The following SYT10 variants were observed in gnomAD, a reference collection of about 807,000 sequenced individuals.
The protein encoded by SYT10 is synaptotagmin-10.
A neutral mutation model predicts 51.1 loss-of-function variants in SYT10; 31 were observed. That is an observed-to-expected ratio of 0.61 (90% confidence interval 0.46 to 0.82). The LOEUF (loss-of-function observed/expected upper bound fraction) is 0.82, where lower values mean the gene tolerates loss of function less well. SYT10 is among the 40% of genes least tolerant of loss of function. The pLI is 0.00. For synonymous variants in SYT10, 233 were observed against 225.9 expected, an observed-to-expected ratio of 1.03 and a Z score of -0.28; for missense variants, 603 against 634.0, an observed-to-expected ratio of 0.95 and a Z score of 0.53.
Position 33,407,048 on chromosome 12 carries a change from A to G in SYT10, c.818T>C (p.Met273Thr). ...CTTTTTCCTATCTGGAAGAAGATAC[A>G]TCTTCACATAAGGGTCAGAAGTTCC... Reference protein sequence around the residue: ...FTGTSDPYVKMYLLPDRKKKF... With the variant: ...FTGTSDPYVKTYLLPDRKKKF... Residue 273 changes from methionine (M) to threonine (T), a missense_variant, in exon 3 of 7, where the codon ATG becomes ACG. Transcript: ENST00000228567. 1.9e-6 allele frequency: 3 copies of G among 1,614,208 alleles called. No individual in the cohort carries two copies. The highest frequency in any genetic ancestry group is 1.7e-6 in the Non-Finnish European group (2 of 1,180,030).
chr12:33,439,676 C>G lies in SYT10; in HGVS notation c.-154G>C. The G allele has an allele frequency of 1.1e-6, 1 of 881,642 alleles. No homozygotes were observed. Among genetic ancestry groups the G allele is most frequent in the South Asian group, 1.8e-5 (1 of 55,154 alleles). 54.6% of individuals were successfully genotyped at this position (881,642 alleles called of 1,614,324 possible). A position where few individuals can be genotyped will look rare whatever the true frequency, so the allele number is the denominator to read the frequency against. ...CTGAGAGCCGGCAACTCTTAGGAGC[C>G]CCACGTTGGCCCCATGGCGGGAGCG... On this transcript the variant is annotated 5_prime_UTR_variant, in exon 1 of 7. Coordinates refer to ENST00000228567, the MANE Select transcript of SYT10 (RefSeq NM_198992.4).
At position 33,406,934 on chromosome 12, in the gene SYT10, T is replaced by C. The variant is rs912954634; in HGVS notation, c.932A>G (p.Asn311Ser). Reference protein sequence around the residue: ...QFPVAYDQLSNRKLHFSVYDF... With the variant: ...QFPVAYDQLSSRKLHFSVYDF... The stretch of plus-strand genomic sequence containing the variant: ...ATACACACTGAAATGTAGTTTTCGG[T>C]TGCTTAGTTGATCATATGCTACAGG... Residue 311 changes from asparagine (N) to serine (S), a missense_variant, in exon 3 of 7, where the codon AAC becomes AGC. Transcript: ENST00000228567. 6.2e-7 allele frequency: 1 copy of C among 1,614,096 alleles called. No homozygotes were observed. The highest frequency in any genetic ancestry group is 8.5e-7 in the Non-Finnish European group (1 of 1,180,016).
At chr12:33,393,812 C>A (rs1318003690) in intron 3 of SYT10, among the ~76,000 whole-genome samples, 1 of 152,218 alleles carries the variant, frequency 6.6e-6, no homozygotes, top group Non-Finnish European at 1.5e-5. Context: ...GCCCCCACTC[C>A]ACTACAACTG....
At chr12:33,393,728 C>T (rs1274300720) in intron 3 of SYT10, among the ~76,000 whole-genome samples, 1 of 152,138 alleles carries the variant, frequency 6.6e-6, no homozygotes, top group Non-Finnish European at 1.5e-5. Flanking sequence ...TGACCTGACT[C>T]TCGGCTATCT....
At chr12:33,379,579 AAGAG>A (rs57232346) in intron 6 of SYT10, among the ~76,000 whole-genome samples, 2 of 138,352 alleles carry the variant, frequency 1.4e-5, no homozygotes, top group African/African-American at 3.3e-5. Context: ...AAAAAAAAAA[AAGAG>A]ACTTGCAAAT....
chr12:33,403,781 C>G (rs1866327441), intron 3 of SYT10, among the ~76,000 whole-genome samples: 1 of 150,534 alleles, frequency 6.6e-6, no homozygotes, highest in Non-Finnish European at 1.5e-5. Context: ...GAAATTTCCA[C>G]ATACATCATT....
At chr12:33,399,037 G>A (rs1591987200) in intron 3 of SYT10, among the ~76,000 whole-genome samples, 1 of 152,306 alleles carries the variant, frequency 6.6e-6, no homozygotes, top group East Asian at 1.9e-4. Context: ...CAAGGATATA[G>A]TGGGGAAGCT....
intron 1 of SYT10, among the ~76,000 whole-genome samples, chr12:33,433,216 T>C (rs549109766): frequency 6.6e-6 from 1 of 152,258 alleles, no homozygotes; most frequent in African/African-American, 2.4e-5. Context: ...ATAATAACAC[T>C]CCTTATCTGA....
chr12:33,398,255 T>G (rs1565493523), intron 3 of SYT10, among the ~76,000 whole-genome samples: 1 of 152,132 alleles, frequency 6.6e-6, no homozygotes, highest in Non-Finnish European at 1.5e-5. Flanking sequence ...GGCTCACACC[T>G]GTAATCCCAG....
intron 3 of SYT10, among the ~76,000 whole-genome samples, chr12:33,397,979 G>A (rs550720449): frequency 6.6e-6 from 1 of 152,052 alleles, no homozygotes; most frequent in South Asian, 2.1e-4. Flanking sequence ...AACAGGGAAA[G>A]TTAGAACTAA....
chr12:33,429,197 T>C (rs935992556), intron 1 of SYT10, among the ~76,000 whole-genome samples: 2 of 152,210 alleles, frequency 1.3e-5, no homozygotes, highest in Admixed American at 6.5e-5. Context: ...AAGAATTGGA[T>C]TGCTTCTTTC....
chr12:33,376,888 G>A lies in SYT10; in HGVS notation c.1514C>T (p.Ala505Val), dbSNP rs34361405. ...GGATCCTTGACTATCAAAACTGGTC[G>A]CCCGGCCAGGTAACTGAAAGACAAA... ...WHPLLELPGR[A>V]TSFDSQGSCP... Residue 505 changes from alanine (A) to valine (V), a missense_variant, in exon 7 of 7, where the codon GCG becomes GTG. Transcript: ENST00000228567. The A allele has an allele frequency of 6.6e-4, 1,059 of 1,613,998 alleles. 7 individuals carry two copies. In the African/African-American group the frequency reaches 0.011, roughly 16 times the overall value.
intron 3 of SYT10, among the ~76,000 whole-genome samples, chr12:33,389,136 C>T (rs12320327): frequency 0.052 from 7,916 of 152,074 alleles, 674 homozygotes; most frequent in African/African-American, 0.18. Flanking sequence ...ATGGTCAGTA[C>T]GCATTGAGAA....
At chr12:33,398,048 A>G (rs1866271777) in intron 3 of SYT10, among the ~76,000 whole-genome samples, 1 of 152,128 alleles carries the variant, frequency 6.6e-6, no homozygotes, top group Admixed American at 6.5e-5. Flanking sequence ...AAGGATAGGC[A>G]GTGGAATAGG....
intron 1 of SYT10, among the ~76,000 whole-genome samples, chr12:33,438,934 A>G (rs1866659647): frequency 6.6e-6 from 1 of 152,200 alleles, no homozygotes; most frequent in Non-Finnish European, 1.5e-5. Context: ...CCCCATCAAC[A>G]AGGCCGGGAC....
intron 2 of SYT10, among the ~76,000 whole-genome samples, chr12:33,421,285 A>G (rs1051856833): frequency 3.3e-5 from 5 of 151,994 alleles, no homozygotes; most frequent in Non-Finnish European, 4.4e-5. Flanking sequence ...TCCCATGTAC[A>G]TTTTCCTGTT....
chr12:33,407,665 G>C (rs1866370883), intron 2 of SYT10: 1 of 269,522 alleles, frequency 3.7e-6, no homozygotes, highest in Non-Finnish European at 7.0e-6. Context: ...GAGTACGGTA[G>C]TGCTATTATA....
At chr12:33,405,122 C>CT (rs954490329) in intron 3 of SYT10, 7 of 151,992 alleles carry the variant, frequency 4.6e-5, no homozygotes, top group African/African-American at 1.7e-4. Context: ...ACATACTTTA[C>CT]TTTTTTATAG....
At chr12:33,416,766 AG>A (rs1866457370) in intron 2 of SYT10, among the ~76,000 whole-genome samples, 1 of 152,190 alleles carries the variant, frequency 6.6e-6, no homozygotes, top group Non-Finnish European at 1.5e-5. Context: ...CCTTTAAGAT[AG>A]AAGAAATAAT....
Sources: allele counts gnomAD v4.1 joint callset (sites outside exome capture counted in the v4.1 genomes callset), GRCh38; gene constraint gnomAD v4.1.1; transcripts MANE v1.5; gene names NCBI Gene and HGNC (gene_info 2026-07-23, HGNC 2026-07-21).